ADAMTS8: variants seen among roughly 807,000 people sequenced by gnomAD.
ADAMTS8 encodes ADAM metallopeptidase with thrombospondin type 1 motif 8, also known as A disintegrin and metalloproteinase with thrombospondin motifs 8.
In ADAMTS8, 50 loss-of-function variants were observed where a neutral mutation model predicts 64.4. The observed-to-expected ratio is 0.78, with a 90% confidence interval of 0.62 to 0.98. ADAMTS8 has a LOEUF of 0.98. Ranked by LOEUF, ADAMTS8 falls within the 50% of genes least tolerant of loss-of-function variation. ADAMTS8 has a pLI of 0.00. For missense variants in ADAMTS8, 1,192 were observed against 1,208.2 expected, an observed-to-expected ratio of 0.99 and a Z score of 0.20; for synonymous variants, 556 against 533.6, an observed-to-expected ratio of 1.04 and a Z score of -0.58.
intron 1 of ADAMTS8, among the ~76,000 whole-genome samples, chr11:130,426,969 A>G (rs1350578486): frequency 1.3e-5 from 2 of 152,226 alleles, no homozygotes; most frequent in African/African-American, 4.8e-5. Flanking sequence ...CAGGTTGGCA[A>G]GGTAGTCCAT....
Position 130,405,756 on chromosome 11 carries a change from G to C in ADAMTS8, c.2472C>G (p.Thr824=). 6.2e-7 allele frequency: 1 copy of C among 1,614,180 alleles called. No individual in the cohort carries two copies. The highest frequency in any genetic ancestry group is 8.5e-7 in the Non-Finnish European group (1 of 1,180,032). The part of the protein sequence containing the change: ...FSMQSSKERA[T]TNIIQPLLHA... ...GGAGCAGCGGCTGGATGATGTTGGTGGTTGCTCTCTCTTTGCTGCTCTGCA... is the reference window on the plus strand; with the variant it reads ...GGAGCAGCGGCTGGATGATGTTGGTCGTTGCTCTCTCTTTGCTGCTCTGCA... Residue 824 remains threonine (T), a synonymous_variant, in exon 9 of 9, where the codon ACC becomes ACG. Transcript: ENST00000257359.
In ADAMTS8 at chr11:130,411,398, G is replaced by T. The variant is rs753841971; in HGVS notation, c.1750+19C>A. 1.2e-6 allele frequency: 2 copies of T among 1,610,548 alleles called. No homozygotes were observed. The highest frequency in any genetic ancestry group is 1.1e-5 in the South Asian group (1 of 90,500). ...TGATAGTAGCTGCTCTGGCAGGGGC[G>T]GCCCTGAGTGGTAATTACCGTCAGG... On this transcript the variant is annotated intron_variant, in intron 6 of 8. Coordinates refer to ENST00000257359, the MANE Select transcript of ADAMTS8 (RefSeq NM_007037.6). This position sits in a 1 kb window ranked among gnomAD's most constrained non-coding sequence, Gnocchi z 4.2.
At chr11:130,426,416 C>A (rs769445552) in intron 1 of ADAMTS8, among the ~76,000 whole-genome samples, 1 of 152,214 alleles carries the variant, frequency 6.6e-6, no homozygotes, top group South Asian at 2.1e-4. Flanking sequence ...TATTGGGTCC[C>A]GGCCAAGGAT....
At chr11:130,421,847 A>G (rs1276264446) in intron 1 of ADAMTS8, among the ~76,000 whole-genome samples, 1 of 152,220 alleles carries the variant, frequency 6.6e-6, no homozygotes, top group African/African-American at 2.4e-5. Flanking sequence ...GGAGGAAGTC[A>G]GATGGCTTGC....
rs34003913 is a variant in ADAMTS8, at chr11:130,406,104, G to A, written c.2124C>T (p.Thr708=). The change falls in exon 9 of 9, where the codon ACC becomes ACT. Residue 708 remains threonine (T), a synonymous_variant. Transcript: ENST00000257359. ...CAATATTAGTGGCACCAGCTGGGATGGTGACAATGTCATTGTAGCCATAAC... is the reference window on the plus strand; with the variant it reads ...CAATATTAGTGGCACCAGCTGGGATAGTGACAATGTCATTGTAGCCATAAC... ...PTNYGYNDIV[T]IPAGATNIDV... 0.011 allele frequency: 17,650 copies of A among 1,610,548 alleles called. 157 individuals carry two copies. Among genetic ancestry groups the A allele is most frequent in the Middle Eastern group, 0.027 (166 of 6,060 alleles).
intron 1 of ADAMTS8, among the ~76,000 whole-genome samples, chr11:130,423,004 C>G (rs1487108873): frequency 6.6e-6 from 1 of 152,240 alleles, no homozygotes; most frequent in African/African-American, 2.4e-5. Flanking sequence ...TATAACTGCT[C>G]CTACCTGAAA....
Position 130,405,712 on chromosome 11 carries a change from C to T in ADAMTS8, c.2516G>A (p.Gly839Glu). 6.2e-7 allele frequency: 1 copy of T among 1,614,158 alleles called. No individual in the cohort carries two copies. Among genetic ancestry groups the T allele is most frequent in the Non-Finnish European group, 8.5e-7 (1 of 1,179,996 alleles). The change falls in exon 9 of 9, where the codon GGG (glycine) becomes GAG (glutamate). Residue 839 changes from glycine to glutamate, a missense_variant. Transcript: ENST00000257359. Reference sequence around the variant, plus strand: ...GGTGCTAGAGCACTCAGACCAGTCCCCCAGCACCCACTGTGCGTGGAGCAG... The same window carrying T: ...GGTGCTAGAGCACTCAGACCAGTCCTCCAGCACCCACTGTGCGTGGAGCAG... The part of the protein sequence containing the change: ...QPLLHAQWVL[G>E]DWSECSSTCG...
rs573840317 is a variant in ADAMTS8 at position 130,408,697 on chromosome 11, G to A, written c.1924-58C>T. 305 of 1,610,098 alleles carry A rather than the reference G, an allele frequency of 1.9e-4. 1 individual carries two copies. Among genetic ancestry groups the A allele is most frequent in the Admixed American group, 3.5e-4 (21 of 59,846 alleles). On this transcript the variant is annotated intron_variant, in intron 7 of 8. Transcript: ENST00000257359. ...GTGTTGAGCACAGAAGCAGCCTGCC[G>A]GGGGGCGGGGGTGTGGGGACAGGCG...
intron 1 of ADAMTS8, among the ~76,000 whole-genome samples, chr11:130,423,694 AGAG>A (rs776641854): frequency 1.8e-4 from 28 of 152,236 alleles, no homozygotes; most frequent in African/African-American, 2.4e-4. Flanking sequence ...TCTGCTAAGA[AGAG>A]GACTCGAAAA....
chr11:130,406,229 GA>G (rs1861883602), intron 8 of ADAMTS8, 101 bp from the exon 9 acceptor site: 3 of 1,399,812 alleles, frequency 2.1e-6, no homozygotes, highest in Non-Finnish European at 2.9e-6. Flanking sequence ...TGGCAGACAC[GA>G]AAAAAACAAA....
At position 130,427,943 on chromosome 11, in the gene ADAMTS8, G is replaced by T. The variant is rs1377736927; in HGVS notation, c.344C>A (p.Ala115Glu). 2.6e-6 allele frequency: 4 copies of T among 1,531,730 alleles called. No individual in the cohort carries two copies. Among genetic ancestry groups the T allele is most frequent in the Middle Eastern group, 1.9e-4 (1 of 5,272 alleles). The allele number at this position is 1,531,730 out of a possible 1,614,324, so 94.9% of individuals were successfully genotyped here. A position where few individuals can be genotyped will look rare whatever the true frequency, so the allele number is the denominator to read the frequency against. Residue 115 changes from alanine (A) to glutamate (E), a missense_variant, in exon 1 of 9, where the codon GCG becomes GAG. By Grantham distance (107) the Ala-to-Glu change is moderately radical. Around this residue, in one of 5 missense-constraint regions of ADAMTS8, gnomAD observed 741 missense variants for 710.6 expected, o/e 1.04. Transcript: ENST00000257359. ...TVNGEPESLA[A>E]VSLCRGLSGS... ...GCTCAGCCCGCGGCACAGGCTGACC[G>T]CCGCCAGCGACTCGGGCTCCCCATT...
chr11:130,411,822 G>A lies in ADAMTS8; in HGVS notation c.1567-222C>T, dbSNP rs1861956671. 1 of 576,224 alleles carries A rather than the reference G, an allele frequency of 1.7e-6. No homozygotes were observed. Among genetic ancestry groups the A allele is most frequent in the Non-Finnish European group, 3.1e-6 (1 of 325,614 alleles). 35.7% of individuals were successfully genotyped at this position (576,224 alleles called of 1,614,324 possible). A position where few individuals can be genotyped will look rare whatever the true frequency, so the allele number is the denominator to read the frequency against. On this transcript the variant is annotated intron_variant, in intron 5 of 8. Coordinates refer to ENST00000257359, the MANE Select transcript of ADAMTS8 (RefSeq NM_007037.6). This position sits in a 1 kb window ranked among gnomAD's most constrained non-coding sequence, Gnocchi z 4.2. ...ACTCATTCACTACTGACTCCTCAGT[G>A]TCTAAAACAGTGCCTTATGCTTAGT...
chr11:130,418,607 G>A (rs1862057926), intron 2 of ADAMTS8, among the ~76,000 whole-genome samples: 1 of 152,246 alleles, frequency 6.6e-6, no homozygotes, highest in Non-Finnish European at 1.5e-5. Context: ...TGGCACACAG[G>A]ATCGCTCTCT....
At position 130,427,740 on chromosome 11, in the gene ADAMTS8, G is replaced by A; in HGVS notation, c.547C>T (p.Gln183Ter). 6.3e-7 allele frequency: 1 copy of A among 1,596,112 alleles called. No homozygotes were observed. Among genetic ancestry groups the A allele is most frequent in the Non-Finnish European group, 8.5e-7 (1 of 1,172,302 alleles). ...EGQRQERGDH[Q>*]EDSEEESQEE... The stretch of plus-strand genomic sequence containing the variant: ...TGGCTCTCCTCCTCGCTGTCCTCCT[G>A]GTGGTCTCCTCTCTCCTGCCTCTGA... The change falls in exon 1 of 9, where the codon CAG becomes TAG. Residue 183 changes from glutamine (Q) to a stop codon, truncating the protein, a stop_gained. Coordinates refer to ENST00000257359, the MANE Select transcript of ADAMTS8 (RefSeq NM_007037.6). LOFTEE classifies it high-confidence loss of function.
At chr11:130,417,639 C>T (rs1317077941) in intron 2 of ADAMTS8, among the ~76,000 whole-genome samples, 1 of 142,152 alleles carries the variant, frequency 7.0e-6, no homozygotes, top group African/African-American at 3.1e-5. Flanking sequence ...TTGTAGCTCA[C>T]TTAGCCTCAA....
chr11:130,407,337 G>T (rs1825676489), intron 8 of ADAMTS8, among the ~76,000 whole-genome samples: 2 of 152,170 alleles, frequency 1.3e-5, no homozygotes, highest in Admixed American at 1.3e-4. Flanking sequence ...CCGCACTCCA[G>T]CCTAGGCAAC....
Position 130,416,567 on chromosome 11 carries a change from T to C in ADAMTS8, c.1097-237A>G, listed in dbSNP as rs1036474297. On this transcript the variant is annotated intron_variant, in intron 3 of 8. Transcript: ENST00000257359. The surrounding 1 kb of genome is among the most constrained non-coding windows in gnomAD (Gnocchi z 4.8). Reference sequence around the variant, plus strand: ...CCCGTCCTGAATTTGGATCTAGCTCTGTTATTTGCCCTCTCACATGACAGT... The same window carrying C: ...CCCGTCCTGAATTTGGATCTAGCTCCGTTATTTGCCCTCTCACATGACAGT... Among the ~76,000 whole-genome samples the C allele has an allele frequency of 2.6e-5, 4 of 152,224 alleles. No individual in the cohort carries two copies. The highest frequency in any genetic ancestry group is 9.6e-5 in the African/African-American group (4 of 41,462).
At chr11:130,422,649 C>G (rs1412231883) in intron 1 of ADAMTS8, among the ~76,000 whole-genome samples, 2 of 152,188 alleles carry the variant, frequency 1.3e-5, no homozygotes, top group Non-Finnish European at 2.9e-5. Flanking sequence ...AAAAGAGCAA[C>G]CTGCATCATA....
chr11:130,425,879 G>A (rs1044328405), intron 1 of ADAMTS8, among the ~76,000 whole-genome samples: 1 of 152,134 alleles, frequency 6.6e-6, no homozygotes, highest in African/African-American at 2.4e-5. Flanking sequence ...GGGATTACAG[G>A]CTTGAGCCAC....
Sources: allele counts gnomAD v4.1 joint callset (sites outside exome capture counted in the v4.1 genomes callset), GRCh38; gene constraint gnomAD v4.1.1; regional missense constraint gnomAD v4.1.1; non-coding constraint Gnocchi (gnomAD v3.1); transcripts MANE v1.5; gene names NCBI Gene and HGNC (gene_info 2026-07-23, HGNC 2026-07-21).